GPC4: variants seen among roughly 807,000 people sequenced by gnomAD.
GPC4 encodes the protein glypican 4, also known as glypican-4.
In GPC4, 10 loss-of-function variants were observed where a neutral mutation model predicts 35.0. The ratio of observed to expected loss-of-function variants is 0.29; its 90% confidence interval spans 0.18 to 0.48. The LOEUF is 0.48. GPC4 is among the 20% of genes least tolerant of loss of function. The pLI is 0.99. For missense variants in GPC4, 322 were observed against 451.3 expected, an observed-to-expected ratio of 0.71 and a Z score of 2.60; for synonymous variants, 167 against 170.2, an observed-to-expected ratio of 0.98 and a Z score of 0.15.
At chrX:133,359,064 G>C (rs2068554665) in intron 1 of GPC4, among the ~76,000 whole-genome samples, 1 of 111,508 alleles carries the variant, frequency 9.0e-6, no homozygotes, top group Non-Finnish European at 1.9e-5. Context: ...ACCTGGCCTT[G>C]GTCTTGAGTA....
Position 133,324,193 on chromosome X carries a change from G to A in GPC4, c.663C>T (p.Phe221=), listed in dbSNP as rs1471389203. The change falls in exon 3 of 9, where the codon TTC becomes TTT. Residue 221 remains phenylalanine, a synonymous_variant. Coordinates refer to ENST00000370828, the MANE Select transcript of GPC4 (RefSeq NM_001448.3). ...VTRAFVAART[F]AQGLAVAGDV... Reference sequence around the variant, plus strand: ...CTCCCGCAACCGCTAAGCCTTGAGCGAAAGTACGGGCTGCTACAAAAGCAC... The same window carrying A: ...CTCCCGCAACCGCTAAGCCTTGAGCAAAAGTACGGGCTGCTACAAAAGCAC... 4 of 1,209,203 alleles carry A rather than the reference G, an allele frequency of 3.3e-6. No individual in the cohort carries two copies. The highest frequency in any genetic ancestry group is 3.5e-5 in the African/African-American group (2 of 57,152).
chrX:133,331,367 C>G lies in GPC4; in HGVS notation c.320-6831G>C, dbSNP rs767611824. ...TAAGTAAGCTAGGGAGCTGGAGGAG[C>G]CATTGCAAGTGTTCCATGTACTAAC... On this transcript the variant is annotated intron_variant, in intron 2 of 8. Coordinates refer to ENST00000370828, the MANE Select transcript of GPC4 (RefSeq NM_001448.3). Among the ~76,000 whole-genome samples the G allele has an allele frequency of 3.6e-5, 4 of 111,829 alleles. No individual in the cohort carries two copies. The South Asian group carries it at 1.5e-3, about 43-fold the overall frequency.
intron 1 of GPC4, among the ~76,000 whole-genome samples, chrX:133,409,068 T>C (rs1323310169): frequency 9.3e-6 from 1 of 107,411 alleles, no homozygotes; most frequent in Admixed American, 1.0e-4. Flanking sequence ...GGCAAGAGAA[T>C]CCTTTGAACC....
chrX:133,375,168 T>C (rs1476608521), intron 1 of GPC4, among the ~76,000 whole-genome samples: 1 of 112,052 alleles, frequency 8.9e-6, no homozygotes, highest in Non-Finnish European at 1.9e-5. Flanking sequence ...ATTTGCGTAC[T>C]GTGGGATTAC....
chrX:133,382,784 G>A lies in GPC4; in HGVS notation c.160+32022C>T, dbSNP rs189991070. ...AAAAAAACAGGCAAAAGGTCTCAGC[G>A]AACTCGTCACTGAAGATATATACAT... On this transcript the variant is annotated intron_variant, in intron 1 of 8. Transcript: ENST00000370828. 5.1e-4 allele frequency among the ~76,000 whole-genome samples: 58 copies of A among 112,786 alleles called. No homozygotes were observed. In the Middle Eastern group the frequency reaches 0.014, roughly 27 times the overall value.
At chrX:133,390,858 C>T (rs1322496847) in intron 1 of GPC4, among the ~76,000 whole-genome samples, 4 of 111,484 alleles carry the variant, frequency 3.6e-5, no homozygotes, top group Non-Finnish European at 1.9e-5. Context: ...GAATGCCCAT[C>T]CCCCAGCTGG....
rs2068265458 is a variant in GPC4, at chrX:133,301,028, A to C, written c.*1839T>G. 1 of 111,446 alleles carries C rather than the reference A, an allele frequency of 9.0e-6. No homozygotes were observed. Among genetic ancestry groups the C allele is most frequent in the Non-Finnish European group, 1.9e-5 (1 of 53,081 alleles). 9.2% of individuals were successfully genotyped at this position (111,446 alleles called of 1,213,427 possible). On this transcript the variant is annotated 3_prime_UTR_variant, in exon 9 of 9. Coordinates refer to ENST00000370828, the MANE Select transcript of GPC4 (RefSeq NM_001448.3). ...TTTAAAAAAAAAACCACTTATACAC[A>C]CCAGCCAGAATATGCCTATTTTATT...
chrX:133,410,879 T>C (rs1024593769), intron 1 of GPC4, among the ~76,000 whole-genome samples: 1 of 112,136 alleles, frequency 8.9e-6, no homozygotes, highest in African/African-American at 3.2e-5. Flanking sequence ...ATTTCTACAG[T>C]GATAGGCCCT....
At chrX:133,400,272 T>C (rs189938285) in intron 1 of GPC4, among the ~76,000 whole-genome samples, 40 of 112,046 alleles carry the variant, frequency 3.6e-4, no homozygotes, top group Non-Finnish European at 7.5e-5. Context: ...CCCTGGCCAT[T>C]CACTGGGGGC....
At chrX:133,347,291 AG>A (rs1219452175) in intron 1 of GPC4, among the ~76,000 whole-genome samples, 1 of 81,424 alleles carries the variant, frequency 1.2e-5, no homozygotes, top group Non-Finnish European at 2.3e-5. Flanking sequence ...AAGAAAAGCA[AG>A]TCTTGGCTTT....
In GPC4 at chrX:133,327,636, A is replaced by AGTTTGTGTGTGT. The variant is rs1289042509; in HGVS notation, c.320-3101_320-3100insACACACACAAAC. Among the ~76,000 whole-genome samples the AGTTTGTGTGTGT allele has an allele frequency of 2.2e-3, 183 of 83,282 alleles. 5 individuals are homozygous for AGTTTGTGTGTGT. The highest frequency in any genetic ancestry group is 6.6e-3 in the African/African-American group (150 of 22,662). The allele number at this position is 83,282 out of a possible 115,157, so 72.3% of individuals were successfully genotyped here. On this transcript the variant is annotated intron_variant, in intron 2 of 8. Transcript: ENST00000370828. Reference sequence around the variant, plus strand: ...CCATGACTCACATTCTGTCCAGGAAAGTGTGTGTGTGTGTGTGTGTGTGTG... The same window carrying AGTTTGTGTGTGT: ...CCATGACTCACATTCTGTCCAGGAAAGTTTGTGTGTGTGTGTGTGTGTGTGTGTGTGTGTGTG...
intron 1 of GPC4, among the ~76,000 whole-genome samples, chrX:133,350,197 C>G (rs1006687654): frequency 1.8e-5 from 2 of 111,259 alleles, no homozygotes; most frequent in Non-Finnish European, 3.8e-5. Flanking sequence ...TGTAAACCCA[C>G]CAATGGCAAA....
chrX:133,311,457 C>G (rs749506559), intron 3 of GPC4, 34 bp from the exon 4 acceptor site: 17 of 1,179,856 alleles, frequency 1.4e-5, no homozygotes, highest in Non-Finnish European at 2.0e-5. Flanking sequence ...ACAGTAGTGG[C>G]GGGGCTAAAA....
Position 133,409,112 on chromosome X carries a change from G to A in GPC4, c.160+5694C>T, listed in dbSNP as rs181290888. 3.9e-4 allele frequency among the ~76,000 whole-genome samples: 42 copies of A among 106,373 alleles called. No homozygotes were observed. The South Asian group carries it at 0.017, about 42-fold the overall frequency. The allele number at this position is 106,373 out of a possible 115,157, so 92.4% of individuals were successfully genotyped here. A position where few individuals can be genotyped will look rare whatever the true frequency, so the allele number is the denominator to read the frequency against. On this transcript the variant is annotated intron_variant, in intron 1 of 8. Transcript: ENST00000370828. ...GGAGATTGCAGTGAGCCGAGATCAC[G>A]CGACTGCAATCCAGCCTGGGCAACA...
At chrX:133,325,496 A>C (rs1015141668) in intron 2 of GPC4, among the ~76,000 whole-genome samples, 1 of 111,813 alleles carries the variant, frequency 8.9e-6, no homozygotes, top group Admixed American at 9.5e-5. Context: ...TTTTCTTCTG[A>C]AGCTTTCCTC....
intron 1 of GPC4, among the ~76,000 whole-genome samples, chrX:133,367,332 GTA>G (rs1462972237): frequency 1.8e-5 from 2 of 112,159 alleles, no homozygotes; most frequent in Non-Finnish European, 3.8e-5. Flanking sequence ...CTCTTGCGAT[GTA>G]TATGTAACCT....
At chrX:133,388,380 G>A (rs1439422120) in intron 1 of GPC4, among the ~76,000 whole-genome samples, 1 of 112,112 alleles carries the variant, frequency 8.9e-6, no homozygotes, top group African/African-American at 3.2e-5. Flanking sequence ...TTAACGGAAA[G>A]GAAACTGGGC....
At chrX:133,365,329 C>T (rs191912232) in intron 1 of GPC4, among the ~76,000 whole-genome samples, 334 of 111,832 alleles carry the variant, frequency 3.0e-3, no homozygotes, top group African/African-American at 0.01. Context: ...ACTTTCTTTT[C>T]TTTCTCTAGT....
intron 1 of GPC4, among the ~76,000 whole-genome samples, chrX:133,405,392 C>T (rs1014538861): frequency 1.8e-5 from 2 of 112,001 alleles, no homozygotes; most frequent in African/African-American, 3.2e-5. Flanking sequence ...CGTGAGCCAC[C>T]GTGCCCAGTA....
Sources: allele counts gnomAD v4.1 joint callset (sites outside exome capture counted in the v4.1 genomes callset), GRCh38; gene constraint gnomAD v4.1.1; transcripts MANE v1.5; gene names NCBI Gene and HGNC (gene_info 2026-07-23, HGNC 2026-07-21).